The following PAFAH1B2 variants were observed in gnomAD, a reference collection of about 807,000 sequenced individuals.
PAFAH1B2 encodes platelet-activating factor acetylhydrolase IB subunit alpha2.
In PAFAH1B2, 8 loss-of-function variants were observed where a neutral mutation model predicts 28.0. The ratio of observed to expected loss-of-function variants is 0.29; its 90% confidence interval spans 0.17 to 0.52. The LOEUF is 0.52. PAFAH1B2 is among the 20% of genes least tolerant of loss of function. The pLI, the probability that PAFAH1B2 is intolerant of heterozygous loss-of-function variation, is 0.97. For missense variants in PAFAH1B2, 190 were observed against 282.6 expected, an observed-to-expected ratio of 0.67 and a Z score of 2.35; for synonymous variants, 104 against 103.2, an observed-to-expected ratio of 1.01 and a Z score of -0.05.
At chr11:117,177,523 T>G (rs1053296379), downstream of PAFAH1B2, among the ~76,000 whole-genome samples, 1 of 152,240 alleles carries the variant, frequency 6.6e-6, no homozygotes, top group African/African-American at 2.4e-5. Context: ...TTGGAATATA[T>G]ACGGTTTTAT....
chr11:117,173,272 A>T (rs1956711922), downstream of PAFAH1B2, among the ~76,000 whole-genome samples: 1 of 152,202 alleles, frequency 6.6e-6, no homozygotes. Flanking sequence ...GGAAATGGAA[A>T]GTGACTGACC....
intron 5 of PAFAH1B2, 27 bp downstream of exon 5, chr11:117,163,919 T>A (rs1565271283): frequency 6.2e-7 from 1 of 1,608,808 alleles, no homozygotes; most frequent in South Asian, 1.1e-5. Context: ...GGGTAGAGAG[T>A]TTGTTATCTT....
At chr11:117,175,587 AATAGTG>A, downstream of PAFAH1B2, 1 of 1,155,450 alleles carries the variant, frequency 8.7e-7, no homozygotes, top group Non-Finnish European at 1.1e-6. Context: ...AGCAAACAGA[AATAGTG>A]ATAGTCCACA....
chr11:117,168,730 A>G lies in PAFAH1B2; in HGVS notation c.*1031A>G, dbSNP rs527480826. 19 of 1,049,662 alleles carry G rather than the reference A, an allele frequency of 1.8e-5. 1 individual carries two copies. The Middle Eastern group carries it at 1.3e-3, about 71-fold the overall frequency. The allele number at this position is 1,049,662 out of a possible 1,614,324, so 65.0% of individuals were successfully genotyped here. ...TGTTTCCCATTCCATAGCACCTGAC[A>G]TTATTTCAAGTTTTATAATATCTTA... On this transcript the variant is annotated 3_prime_UTR_variant, in exon 6 of 6. Transcript: ENST00000527958.
chr11:117,144,400 G>T lies in PAFAH1B2; in HGVS notation c.-26G>T, dbSNP rs887099384. 5 of 403,950 alleles carry T rather than the reference G, an allele frequency of 1.2e-5. No individual in the cohort carries two copies. The highest frequency in any genetic ancestry group is 8.5e-5 in the African/African-American group (4 of 46,970). 25.0% of individuals were successfully genotyped at this position (403,950 alleles called of 1,614,324 possible). A position where few individuals can be genotyped will look rare whatever the true frequency, so the allele number is the denominator to read the frequency against. On this transcript the variant is annotated 5_prime_UTR_variant, in exon 1 of 6. Coordinates refer to ENST00000527958, the MANE Select transcript of PAFAH1B2 (RefSeq NM_002572.4). ...CCGACGCCTCAGCCGCTTGGGGCCC[G>T]CACGGACCCTCTACTTCAGTGAGTG... is the stretch of plus-strand genomic sequence containing the variant.
At chr11:117,176,094 C>A in exon 6 of PAFAH1B2, 2 of 666,736 alleles carry the variant, frequency 3.0e-6, no homozygotes, top group Non-Finnish European at 5.3e-6. Flanking sequence ...AGTACTGGAC[C>A]AAGGTGCAAA....
chr11:117,168,438 G>A lies in PAFAH1B2; in HGVS notation c.*739G>A, dbSNP rs190482111. 0.13 allele frequency: 41,319 copies of A among 309,464 alleles called. 1,137 individuals are homozygous for A. The highest frequency in any genetic ancestry group is 0.2 in the Middle Eastern group (146 of 734). 19.2% of individuals were successfully genotyped at this position (309,464 alleles called of 1,614,324 possible). A position where few individuals can be genotyped will look rare whatever the true frequency, so the allele number is the denominator to read the frequency against. On this transcript the variant is annotated 3_prime_UTR_variant, in exon 6 of 6. Coordinates refer to ENST00000527958, the MANE Select transcript of PAFAH1B2 (RefSeq NM_002572.4). ...CCCCCCTTTCCCCTTCATTCCCCCC[G>A]CCACCCCGTTTTTTTTTTTTTTTTT... is the stretch of plus-strand genomic sequence containing the variant.
At position 117,169,954 on chromosome 11, in the gene PAFAH1B2, C is replaced by CT; in HGVS notation, c.*2258dup. On this transcript the variant is annotated 3_prime_UTR_variant, in exon 6 of 6. Transcript: ENST00000527958. ...CCCTTTGTGAGCTGGCCCTCAGCTC[C>CT]TTTGCTCATGTGTACAAACCTCAGA... 1 of 1,053,202 alleles carries CT rather than the reference C, an allele frequency of 9.5e-7. No individual in the cohort carries two copies. Among genetic ancestry groups the CT allele is most frequent in the Non-Finnish European group, 1.1e-6 (1 of 871,610 alleles). 65.2% of individuals were successfully genotyped at this position (1,053,202 alleles called of 1,614,324 possible).
intron 2 of PAFAH1B2, among the ~76,000 whole-genome samples, chr11:117,153,909 C>T (rs970804394): frequency 6.6e-6 from 1 of 151,176 alleles, no homozygotes; most frequent in African/African-American, 2.4e-5. Flanking sequence ...CTCCAGTTGT[C>T]CCAATATTTT....
chr11:117,172,383 TATATATATATATATA>T (rs1956682638), downstream of PAFAH1B2, among the ~76,000 whole-genome samples: 31 of 3,268 alleles, frequency 9.5e-3, 1 homozygote, highest in East Asian at 0.03. Context: ...TATATATATA[TATATATATATATATA>T]TATATATTTT....
chr11:117,175,490 G>A, downstream of PAFAH1B2: 1 of 1,087,536 alleles, frequency 9.2e-7, no homozygotes, highest in Non-Finnish European at 1.1e-6. Context: ...CGATTCAAAA[G>A]TTAAGTCTTG....
chr11:117,151,487 C>T (rs1956150872), intron 1 of PAFAH1B2, among the ~76,000 whole-genome samples: 1 of 151,944 alleles, frequency 6.6e-6, no homozygotes, highest in Admixed American at 6.6e-5. Flanking sequence ...CCTTGGCCTC[C>T]CAAAGTGCTG....
downstream of PAFAH1B2, chr11:117,175,633 A>G: frequency 3.2e-6 from 4 of 1,241,742 alleles, no homozygotes; most frequent in Non-Finnish European, 4.0e-6. Context: ...GTGGTTCTCA[A>G]ACTTCATTGT....
exon 6 of PAFAH1B2, chr11:117,176,489 G>A: frequency 5.0e-6 from 1 of 198,732 alleles, no homozygotes; most frequent in Non-Finnish European, 1.0e-5. Flanking sequence ...CTGCAATCCT[G>A]CCAGCTGAGA....
rs998673340 is a variant in PAFAH1B2, at chr11:117,161,332, G to GT, written c.288+72dup. The GT allele has an allele frequency of 8.0e-6, 8 of 999,408 alleles. No individual in the cohort carries two copies. The African/African-American group carries it at 1.4e-4, about 17-fold the overall frequency. The allele number at this position is 999,408 out of a possible 1,614,324, so 61.9% of individuals were successfully genotyped here. A position where few individuals can be genotyped will look rare whatever the true frequency, so the allele number is the denominator to read the frequency against. On this transcript the variant is annotated intron_variant, in intron 4 of 5. Transcript: ENST00000527958. ...TTGGATAGTTAAATTGTCTGAAACT[G>GT]TAAAAAAAAATTGCTTCTTTAAAGA...
At position 117,167,674 on chromosome 11, in the gene PAFAH1B2, A is replaced by C; in HGVS notation, c.665A>C (p.Glu222Ala). 1.3e-6 allele frequency: 2 copies of C among 1,562,874 alleles called. No homozygotes were observed. The highest frequency in any genetic ancestry group is 1.7e-6 in the Non-Finnish European group (2 of 1,146,970). ...LIMQLLEETPEEKQTTIA is the reference protein window; with the variant it reads ...LIMQLLEETPAEKQTTIA The stretch of plus-strand genomic sequence containing the variant: ...ATGCAGTTGTTGGAGGAAACACCTG[A>C]GGAGAAACAAACCACCATTGCCTGA... The change falls in exon 6 of 6, where the codon GAG becomes GCG. Residue 222 changes from glutamate (E) to alanine (A), a missense_variant. Transcript: ENST00000527958.
At chr11:117,166,772 G>A (rs910061481) in intron 5 of PAFAH1B2, among the ~76,000 whole-genome samples, 1 of 152,182 alleles carries the variant, frequency 6.6e-6, no homozygotes, top group Non-Finnish European at 1.5e-5. Context: ...GGCATTAATA[G>A]ATGATGTGTA....
downstream of PAFAH1B2, among the ~76,000 whole-genome samples, chr11:117,174,449 A>AC (rs1249831115): frequency 2.0e-5 from 3 of 147,814 alleles, no homozygotes; most frequent in Non-Finnish European, 4.5e-5. Context: ...CTCCCAAAGT[A>AC]CTGGAATTAC....
chr11:117,159,871 A>C, intron 2 of PAFAH1B2, 63 bp from the exon 3 acceptor site: 1 of 1,193,130 alleles, frequency 8.4e-7, no homozygotes, highest in Non-Finnish European at 1.3e-6. Context: ...GAGTTCAAGC[A>C]TGGGCCACCA....
Sources: allele counts gnomAD v4.1 joint callset (sites outside exome capture counted in the v4.1 genomes callset), GRCh38; gene constraint gnomAD v4.1.1; transcripts MANE v1.5; gene names NCBI Gene and HGNC (gene_info 2026-07-23, HGNC 2026-07-21).